BTBD8: variants seen among roughly 807,000 people sequenced by gnomAD.
The protein encoded by BTBD8 is BTB domain containing 8.
In BTBD8, 110 loss-of-function variants were observed where a neutral mutation model predicts 162.9. That is an observed-to-expected ratio of 0.68 (90% confidence interval 0.58 to 0.79). The LOEUF is 0.79. BTBD8 is among the 30% of genes least tolerant of loss of function. BTBD8 has a pLI of 0.00. For missense variants in BTBD8, 1,905 were observed against 2,085.4 expected, an observed-to-expected ratio of 0.91 and a Z score of 1.68; for synonymous variants, 667 against 716.1, an observed-to-expected ratio of 0.93 and a Z score of 1.10.
Position 92,129,675 on chromosome 1 carries a change from T to G in BTBD8, c.663-12T>G, listed in dbSNP as rs772804282. On this transcript the variant is annotated splice_polypyrimidine_tract_variant and intron_variant, in intron 4 of 17. Transcript: ENST00000636805. ...AATGTTTACCTGTGTTTCTCCCCCC[T>G]CTTCCCTTTAGGGCCATTTTGAGTG... The G allele has an allele frequency of 6.2e-7, 1 of 1,607,108 alleles. No individual in the cohort carries two copies. Among genetic ancestry groups the G allele is most frequent in the Admixed American group, 1.7e-5 (1 of 59,984 alleles).
In BTBD8 at chr1:92,160,426, A is replaced by G. The variant is rs138016066; in HGVS notation, c.1123-6532A>G. On this transcript the variant is annotated intron_variant, in intron 9 of 17. Coordinates refer to ENST00000636805, the MANE Select transcript of BTBD8 (RefSeq NM_001376131.1). ...GTTCATTTTCCTTGACTCTCTTTGT[A>G]TCTGCACATTTCTGCCTACAGCTAC... Among the ~76,000 whole-genome samples the G allele has an allele frequency of 7.2e-5, 11 of 151,934 alleles. No homozygotes were observed. The East Asian group carries it at 1.9e-3, about 27-fold the overall frequency.
At chr1:92,105,362 C>T (rs531772138) in intron 3 of BTBD8, among the ~76,000 whole-genome samples, 133 of 152,304 alleles carry the variant, frequency 8.7e-4, no homozygotes, top group Middle Eastern at 6.8e-3. Context: ...AAGTGATCCT[C>T]CCACCTCAGC....
chr1:92,177,048 A>G lies in BTBD8; in HGVS notation c.1855A>G (p.Ile619Val), dbSNP rs760768627. 13 of 1,550,726 alleles carry G rather than the reference A, an allele frequency of 8.4e-6. No individual in the cohort carries two copies. Among genetic ancestry groups the G allele is most frequent in the Non-Finnish European group, 1.0e-5 (12 of 1,146,610 alleles). Reference protein sequence around the residue: ...EKDGTKIASKITKELKTGGKN... With the variant: ...EKDGTKIASKVTKELKTGGKN... ...AGATGGTACAAAAATAGCATCTAAG[A>G]TTACAAAAGAACTAAAAACTGGGGG... Residue 619 changes from isoleucine to valine, a missense_variant, in exon 14 of 18, where the codon ATT (isoleucine) becomes GTT (valine). Ile to Val is a conservative substitution (Grantham distance 29). This residue lies in a region of BTBD8 where 1,374 missense variants were observed against 1,442.7 expected (regional missense o/e 0.95). Coordinates refer to ENST00000636805, the MANE Select transcript of BTBD8 (RefSeq NM_001376131.1).
intron 3 of BTBD8, among the ~76,000 whole-genome samples, chr1:92,103,100 T>C (rs1002407101): frequency 6.6e-6 from 1 of 152,176 alleles, no homozygotes; most frequent in Non-Finnish European, 1.5e-5. Flanking sequence ...TTCAGAAGGA[T>C]TGTGGCTTGT....
chr1:92,149,256 T>C (rs1178979704), intron 9 of BTBD8, among the ~76,000 whole-genome samples: 2 of 152,154 alleles, frequency 1.3e-5, no homozygotes, highest in African/African-American at 4.8e-5. Flanking sequence ...ATATAAGACA[T>C]GTTAATAATA....
At chr1:92,103,788 A>C (rs1319013407) in intron 3 of BTBD8, among the ~76,000 whole-genome samples, 2 of 152,194 alleles carry the variant, frequency 1.3e-5, no homozygotes, top group Non-Finnish European at 2.9e-5. Flanking sequence ...TTCTGGAGTA[A>C]TACATATCTC....
At chr1:92,093,419 C>T (rs1480540495) in intron 2 of BTBD8, among the ~76,000 whole-genome samples, 1 of 151,904 alleles carries the variant, frequency 6.6e-6, no homozygotes, top group Non-Finnish European at 1.5e-5. Flanking sequence ...CTCGAACTCC[C>T]GACCTCAGGT....
At chr1:92,140,124 A>G (rs1649738394) in intron 6 of BTBD8, among the ~76,000 whole-genome samples, 1 of 149,420 alleles carries the variant, frequency 6.7e-6, no homozygotes. Flanking sequence ...AAAAAAAAAA[A>G]AGAATATAGG....
At chr1:92,119,784 AT>A (rs1219539148) in intron 4 of BTBD8, among the ~76,000 whole-genome samples, 4 of 145,994 alleles carry the variant, frequency 2.7e-5, no homozygotes, top group Non-Finnish European at 4.5e-5. Context: ...CCGTCACCGA[AT>A]TTTTTTTGTA....
At chr1:92,179,205 C>T (rs1650812242) in intron 16 of BTBD8, among the ~76,000 whole-genome samples, 1 of 151,180 alleles carries the variant, frequency 6.6e-6, no homozygotes, top group South Asian at 2.1e-4. Context: ...GAGATCTTGC[C>T]TCTATACTCC....
intron 2 of BTBD8, among the ~76,000 whole-genome samples, chr1:92,098,909 A>T (rs1167261984): frequency 6.6e-6 from 1 of 152,036 alleles, no homozygotes; most frequent in African/African-American, 2.4e-5. Context: ...AACATCTTTA[A>T]TTTGTGTGAT....
At chr1:92,102,733 G>A in intron 3 of BTBD8, 64 bp downstream of exon 3, 1 of 1,301,032 alleles carries the variant, frequency 7.7e-7, no homozygotes, top group South Asian at 2.5e-5. Flanking sequence ...GATACAGTTA[G>A]AGAAAAGCAT....
At chr1:92,134,886 A>G (rs1649594525) in intron 5 of BTBD8, among the ~76,000 whole-genome samples, 3 of 109,422 alleles carry the variant, frequency 2.7e-5, no homozygotes, top group African/African-American at 8.7e-5. Flanking sequence ...TTAATTAATT[A>G]ATTAATTAAT....
At position 92,080,429 on chromosome 1, in the gene BTBD8, C is replaced by A; in HGVS notation, c.-143C>A. 8.1e-7 allele frequency: 1 copy of A among 1,237,960 alleles called. No individual in the cohort carries two copies. The highest frequency in any genetic ancestry group is 1.1e-6 in the Non-Finnish European group (1 of 912,510). The allele number at this position is 1,237,960 out of a possible 1,614,324, so 76.7% of individuals were successfully genotyped here. On this transcript the variant is annotated 5_prime_UTR_variant, in exon 1 of 18. Transcript: ENST00000636805. ...CTTCTCTGGGAGACTGTCTACAAAC[C>A]GACGAGAGGCGTCAACCTTTTACCC... is the stretch of plus-strand genomic sequence containing the variant.
At chr1:92,172,947 C>T (rs1284895818) in intron 13 of BTBD8, among the ~76,000 whole-genome samples, 4 of 152,162 alleles carry the variant, frequency 2.6e-5, no homozygotes, top group East Asian at 1.9e-4. Flanking sequence ...TTTTTTGAGA[C>T]GGAGTTTCGC....
chr1:92,083,917 C>T (rs1648088393), intron 1 of BTBD8, among the ~76,000 whole-genome samples: 1 of 152,174 alleles, frequency 6.6e-6, no homozygotes, highest in Non-Finnish European at 1.5e-5. Context: ...ACTACCATAC[C>T]ACCCTGAACA....
chr1:92,084,220 CTCATTT>C (rs983193551), intron 1 of BTBD8, among the ~76,000 whole-genome samples: 9 of 152,146 alleles, frequency 5.9e-5, no homozygotes, highest in Admixed American at 2.0e-4. Context: ...CATCTTCATT[CTCATTT>C]TCATCTAACT....
chr1:92,101,827 G>C (rs1648598219), intron 2 of BTBD8, among the ~76,000 whole-genome samples: 1 of 151,972 alleles, frequency 6.6e-6, no homozygotes, highest in Non-Finnish European at 1.5e-5. Flanking sequence ...CACCCAAGTA[G>C]CTGGGACTAC....
intron 4 of BTBD8, among the ~76,000 whole-genome samples, chr1:92,110,590 T>A (rs1057096776): frequency 6.6e-6 from 1 of 152,200 alleles, no homozygotes; most frequent in Non-Finnish European, 1.5e-5. Flanking sequence ...TCAGTTGCCA[T>A]ATGAATACCA....
Sources: allele counts gnomAD v4.1 joint callset (sites outside exome capture counted in the v4.1 genomes callset), GRCh38; gene constraint gnomAD v4.1.1; regional missense constraint gnomAD v4.1.1; transcripts MANE v1.5; gene names NCBI Gene and HGNC (gene_info 2026-07-23, HGNC 2026-07-21).